RPH3AL: variants seen among roughly 807,000 people sequenced by gnomAD.
RPH3AL encodes rabphilin 3A like (without C2 domains).
RPH3AL carries 38 observed loss-of-function variants against 43.1 expected under a neutral mutation model. That is an observed-to-expected ratio of 0.88 (90% CI 0.68 to 1.15). The LOEUF is 1.15. Among genes scored for constraint, RPH3AL ranks in the 50% most tolerant of loss-of-function variants. The pLI is 0.00. For synonymous variants in RPH3AL, 189 were observed against 176.3 expected (o/e 1.07, Z -0.57); for missense variants, 462 against 423.2 (o/e 1.09, Z -0.81).
At position 219,628 on chromosome 17, in the gene RPH3AL, T is replaced by G; in HGVS notation, c.722A>C (p.Glu241Ala). Residue 241 changes from glutamate to alanine, a missense_variant, in exon 8 of 10, where the codon GAG (glutamate) becomes GCG (alanine). Transcript: ENST00000331302. ...CATTTCACTCCCCACCTTACCTGAC[T>G]CCTTCCAGGGTTTGTCGCCTTTCCG... ...RDRKGDKPWK[E>A]SGGSVEAPRM... is the part of the protein sequence containing the mutation. 1 of 1,494,836 alleles carries G rather than the reference T, an allele frequency of 6.7e-7. No individual in the cohort carries two copies. The highest frequency in any genetic ancestry group is 1.1e-5 in the South Asian group (1 of 89,224). The allele number at this position is 1,494,836 out of a possible 1,614,324, so 92.6% of individuals were successfully genotyped here.
intron 6 of RPH3AL, chr17:261,855 G>A (rs1229994679): frequency 1.3e-5 from 2 of 152,204 alleles, no homozygotes; most frequent in Non-Finnish European, 1.5e-5. Context: ...GAGCTGAGGG[G>A]AAGTTCCCGG....
chr17:314,017 C>T (rs77488601), intron 5 of RPH3AL, among the ~76,000 whole-genome samples: 11,257 of 152,276 alleles, frequency 0.074, 535 homozygotes, highest in Non-Finnish European at 0.11. Flanking sequence ...GCAACAGAAA[C>T]GCCCGGACCA....
chr17:279,582 G>C (rs1382767651), intron 6 of RPH3AL, among the ~76,000 whole-genome samples: 1 of 152,130 alleles, frequency 6.6e-6, no homozygotes, highest in African/African-American at 2.4e-5. Context: ...GACTCATGAG[G>C]GGGATGGGGA....
chr17:304,668 A>G (rs1277178211), intron 5 of RPH3AL, among the ~76,000 whole-genome samples: 1 of 152,054 alleles, frequency 6.6e-6, no homozygotes, highest in Non-Finnish European at 1.5e-5. Context: ...GCCACAGGAG[A>G]ACCAATGAGC....
At chr17:315,370 A>G in intron 5 of RPH3AL, among the ~76,000 whole-genome samples, 1 of 151,086 alleles carries the variant, frequency 6.6e-6, no homozygotes, top group Non-Finnish European at 1.5e-5. Context: ...ACTGACCTGT[A>G]GTCCCTGTGC....
At chr17:285,353 A>G (rs370027093) in intron 5 of RPH3AL, among the ~76,000 whole-genome samples, 1 of 152,180 alleles carries the variant, frequency 6.6e-6, no homozygotes, top group African/African-American at 2.4e-5. Flanking sequence ...AAGCCTCTCT[A>G]AACCTCAGAC....
chr17:234,854 G>T (rs921042700), intron 7 of RPH3AL, among the ~76,000 whole-genome samples: 8 of 152,248 alleles, frequency 5.3e-5, no homozygotes, highest in Admixed American at 3.3e-4. Context: ...ATCTCTCAGG[G>T]ACAGAGAGAG....
intron 6 of RPH3AL, among the ~76,000 whole-genome samples, chr17:278,143 T>C (rs1317893257): frequency 6.6e-6 from 1 of 151,880 alleles, no homozygotes; most frequent in Non-Finnish European, 1.5e-5. Context: ...CAGTGGGAGG[T>C]AATTGAATCA....
intron 1 of RPH3AL, among the ~76,000 whole-genome samples, chr17:337,231 A>G (rs942977371): frequency 6.6e-6 from 1 of 151,794 alleles, no homozygotes; most frequent in Non-Finnish European, 1.5e-5. Context: ...TCCTCGCATC[A>G]GCCTCCCAAG....
intron 7 of RPH3AL, among the ~76,000 whole-genome samples, chr17:230,500 G>A (rs527465589): frequency 6.6e-6 from 1 of 152,310 alleles, no homozygotes; most frequent in Non-Finnish European, 1.5e-5. Flanking sequence ...AGCTGAGGCT[G>A]GGGTGTGCCA....
intron 5 of RPH3AL, among the ~76,000 whole-genome samples, chr17:301,548 T>C (rs1399310105): frequency 2.6e-5 from 4 of 152,184 alleles, no homozygotes. Flanking sequence ...CAAGGGATCC[T>C]CCTGCCTTGG....
chr17:317,997 T>C (rs979847958), intron 5 of RPH3AL, among the ~76,000 whole-genome samples: 1 of 151,920 alleles, frequency 6.6e-6, no homozygotes, highest in Non-Finnish European at 1.5e-5. Flanking sequence ...CTTGTTTATT[T>C]GATCATTACT....
chr17:296,925 A>T (rs2043195438), intron 5 of RPH3AL, among the ~76,000 whole-genome samples: 1 of 152,116 alleles, frequency 6.6e-6, no homozygotes, highest in Non-Finnish European at 1.5e-5. Flanking sequence ...CCCTTCAAGC[A>T]TCCAAGGGGA....
At chr17:292,846 G>T (rs1362371718) in intron 5 of RPH3AL, among the ~76,000 whole-genome samples, 1 of 152,230 alleles carries the variant, frequency 6.6e-6, no homozygotes, top group Non-Finnish European at 1.5e-5. Flanking sequence ...CCGAGCCCTG[G>T]ACCTTACCCC....
intron 6 of RPH3AL, among the ~76,000 whole-genome samples, chr17:257,058 CCGCACGGCG>C (rs1567590352): frequency 4.4e-5 from 1 of 22,534 alleles, no homozygotes; most frequent in Non-Finnish European, 1.1e-4. Flanking sequence ...ATGAGGGGAG[CCGCACGGCG>C]TCTGTCCTTT....
chr17:320,199 G>A (rs1375353446), intron 4 of RPH3AL, among the ~76,000 whole-genome samples: 1 of 92,308 alleles, frequency 1.1e-5, no homozygotes, highest in Non-Finnish European at 2.2e-5. Context: ...ATTGAGGGGA[G>A]GGAGGGGGAG....
intron 5 of RPH3AL, among the ~76,000 whole-genome samples, chr17:296,808 C>G (rs1436090294): frequency 2.0e-5 from 3 of 152,170 alleles, no homozygotes; most frequent in African/African-American, 7.2e-5. Flanking sequence ...CAAAAGGGAG[C>G]CTGGGTTTTG....
chr17:266,926 G>A (rs1342671777), intron 6 of RPH3AL, among the ~76,000 whole-genome samples: 2 of 152,244 alleles, frequency 1.3e-5, no homozygotes, highest in Non-Finnish European at 2.9e-5. Flanking sequence ...CTGTAGGGCT[G>A]CGTGCCCCTG....
At chr17:331,864 C>G in intron 2 of RPH3AL, 2 of 1,289,130 alleles carry the variant, frequency 1.6e-6, no homozygotes, top group Non-Finnish European at 2.0e-6. Context: ...CCCTTGTACT[C>G]AGGTATGACC....
Sources: allele counts gnomAD v4.1 joint callset (sites outside exome capture counted in the v4.1 genomes callset), GRCh38; gene constraint gnomAD v4.1.1; transcripts MANE v1.5; gene names NCBI Gene and HGNC (gene_info 2026-07-23, HGNC 2026-07-21).